RANBP3L: variants seen among roughly 807,000 people sequenced by gnomAD.
RANBP3L encodes RAN binding protein 3 like.
A neutral mutation model predicts 67.2 loss-of-function variants in RANBP3L; 56 were observed. The ratio of observed to expected loss-of-function variants is 0.83; its 90% CI spans 0.67 to 1.04. RANBP3L has a LOEUF of 1.04. Ranked by LOEUF, RANBP3L falls within the 50% of genes least tolerant of loss-of-function variation. The pLI is 0.00. For missense variants in RANBP3L, 496 were observed against 535.5 expected, an observed-to-expected ratio of 0.93 and a Z score of 0.73; for synonymous variants, 164 against 181.4, an observed-to-expected ratio of 0.90 and a Z score of 0.77.
intron 2 of RANBP3L, among the ~76,000 whole-genome samples, chr5:36,270,826 G>C (rs6886540): frequency 0.091 from 13,846 of 152,184 alleles, 1,802 homozygotes; most frequent in African/African-American, 0.28. Flanking sequence ...CTTTCAAAAC[G>C]AATGATTTTA....
intron 8 of RANBP3L, among the ~76,000 whole-genome samples, chr5:36,258,068 A>G (rs1395914074): frequency 6.6e-6 from 1 of 152,134 alleles, no homozygotes; most frequent in Admixed American, 6.6e-5. Flanking sequence ...CTTGCTATCC[A>G]CTTTATGGAA....
chr5:36,251,385 C>A lies in RANBP3L; in HGVS notation c.1282G>T (p.Ala428Ser). Residue 428 changes from alanine (A) to serine (S), a missense_variant, in exon 13 of 14, where the codon GCC becomes TCC. Ala to Ser is a moderately conservative substitution (Grantham distance 99, BLOSUM62 1). Transcript: ENST00000296604. ...VNQAESLSET[A>S]QQLNCESCDE... Reference sequence around the variant, plus strand: ...CAGCTTTCGCAGTTCAATTGTTGGGCTGTTTCTGACAGGCTTTCAGCTTGA... The same window carrying A: ...CAGCTTTCGCAGTTCAATTGTTGGGATGTTTCTGACAGGCTTTCAGCTTGA... The A allele has an allele frequency of 6.2e-7, 1 of 1,613,412 alleles. No individual in the cohort carries two copies. The highest frequency in any genetic ancestry group is 8.5e-7 in the Non-Finnish European group (1 of 1,179,606).
chr5:36,271,172 A>T (rs1283878815), intron 2 of RANBP3L, 81 bp downstream of exon 2: 2 of 824,996 alleles, frequency 2.4e-6, no homozygotes, highest in Non-Finnish European at 4.2e-6. Flanking sequence ...TGCAGCCGTG[A>T]TATCTTTCAG....
chr5:36,269,155 C>T (rs73081949), intron 4 of RANBP3L, among the ~76,000 whole-genome samples: 59 of 152,292 alleles, frequency 3.9e-4, no homozygotes, highest in African/African-American at 1.3e-3. Context: ...TTAAGATAAC[C>T]ACTGCTATCA....
rs545965677 is a variant in RANBP3L at position 36,287,276 on chromosome 5, C to A, written c.91+14050G>T. The stretch of plus-strand genomic sequence containing the variant: ...GCTGTGTGACCCAGTTCCTAACAGG[C>A]CATGGACCCCTGTTTGCACTATATA... On this transcript the variant is annotated intron_variant, in intron 1 of 13. Coordinates refer to ENST00000296604, the MANE Select transcript of RANBP3L (RefSeq NM_145000.5). Among the ~76,000 whole-genome samples, 6 of 152,278 alleles carry A rather than the reference C, an allele frequency of 3.9e-5. No homozygotes were observed. The South Asian group carries it at 1.0e-3, about 26-fold the overall frequency.
chr5:36,284,199 G>T (rs1220484261), intron 1 of RANBP3L, among the ~76,000 whole-genome samples: 5 of 152,106 alleles, frequency 3.3e-5, no homozygotes, highest in African/African-American at 4.8e-5. Context: ...GCTTTAGTTA[G>T]TATCAAAAGA....
chr5:36,260,125 G>A (rs1292777778), intron 8 of RANBP3L, among the ~76,000 whole-genome samples: 3 of 151,816 alleles, frequency 2.0e-5, no homozygotes, highest in African/African-American at 7.3e-5. Context: ...AAGCTGAGGT[G>A]GGCAGATGAC....
In RANBP3L at chr5:36,266,900, G is replaced by A. The variant is rs143597091; in HGVS notation, c.269-1380C>T. 1.6e-3 allele frequency among the ~76,000 whole-genome samples: 237 copies of A among 152,214 alleles called. 6 individuals are homozygous for A. In the East Asian group the frequency reaches 0.037, roughly 24 times the overall value. On this transcript the variant is annotated intron_variant, in intron 4 of 13. Coordinates refer to ENST00000296604, the MANE Select transcript of RANBP3L (RefSeq NM_145000.5). ...GCGCCCCAAGTAGCTGGAACTACAG[G>A]CGTGCAACACCATGCCCGGCTAATT...
chr5:36,272,962 A>C (rs1054094954), intron 1 of RANBP3L, among the ~76,000 whole-genome samples: 2 of 152,040 alleles, frequency 1.3e-5, no homozygotes, highest in Admixed American at 6.6e-5. Flanking sequence ...TTTTTATGCA[A>C]GCACTTACCA....
intron 1 of RANBP3L, among the ~76,000 whole-genome samples, chr5:36,290,154 C>A (rs182151991): frequency 3.4e-4 from 52 of 151,510 alleles, no homozygotes; most frequent in Middle Eastern, 3.5e-3. Flanking sequence ...CCCTTACAAT[C>A]CTTTTAATAT....
intron 4 of RANBP3L, among the ~76,000 whole-genome samples, chr5:36,266,381 G>T (rs1749789869): frequency 6.6e-6 from 1 of 152,164 alleles, no homozygotes; most frequent in African/African-American, 2.4e-5. Context: ...ATTGCAAATT[G>T]CAGAAACAGC....
intron 1 of RANBP3L, among the ~76,000 whole-genome samples, chr5:36,274,717 G>A (rs1750452187): frequency 6.6e-6 from 1 of 152,072 alleles, no homozygotes; most frequent in African/African-American, 2.4e-5. Flanking sequence ...GATTTGCTTT[G>A]ATATGCATTT....
Position 36,257,010 on chromosome 5 carries a change from T to C in RANBP3L, c.834A>G (p.Pro278=), listed in dbSNP as rs376640428. Residue 278 remains proline, a synonymous_variant, in exon 10 of 14, where the codon CCA becomes CCG. Coordinates refer to ENST00000296604, the MANE Select transcript of RANBP3L (RefSeq NM_145000.5). ...TTTTCTCCAGCAAGCATTTTCGTGATGGTTGGGAAGAGAATGCAGCAGCTG... is the reference window on the plus strand; with the variant it reads ...TTTTCTCCAGCAAGCATTTTCGTGACGGTTGGGAAGAGAATGCAGCAGCTG... The part of the protein sequence containing the change: ...IESAAAFSSQ[P]SRKCLLEKID... 1.9e-6 allele frequency: 3 copies of C among 1,612,716 alleles called. No homozygotes were observed. Among genetic ancestry groups the C allele is most frequent in the African/African-American group, 1.3e-5 (1 of 74,880 alleles).
intron 1 of RANBP3L, among the ~76,000 whole-genome samples, chr5:36,287,893 A>G (rs1270364361): frequency 6.6e-6 from 1 of 152,190 alleles, no homozygotes; most frequent in Non-Finnish European, 1.5e-5. Context: ...CTCTGCCAGT[A>G]GGATACGTTA....
intron 1 of RANBP3L, among the ~76,000 whole-genome samples, chr5:36,300,576 T>A (rs891982228): frequency 7.2e-5 from 11 of 152,200 alleles, no homozygotes; most frequent in African/African-American, 2.7e-4. Context: ...GTTAGAAGTG[T>A]CTGGTGAATC....
intron 11 of RANBP3L, 130 bp from the exon 12 acceptor site, chr5:36,253,919 T>A: frequency 1.2e-6 from 1 of 814,350 alleles, no homozygotes; most frequent in Non-Finnish European, 1.8e-6. Context: ...GTGATTTGAC[T>A]AGATTAAAAC....
rs201585536 is a variant in RANBP3L at position 36,253,827 on chromosome 5, G to A, written c.1025-38C>T. ...GGTGACTACATCAGGCCACAGAACA[G>A]TTGACACGGAGGAATTTACCATTTT... On this transcript the variant is annotated intron_variant, in intron 11 of 13. Transcript: ENST00000296604. 269 of 1,586,056 alleles carry A rather than the reference G, an allele frequency of 1.7e-4. No individual in the cohort carries two copies. The African/African-American group carries it at 3.3e-3, about 19-fold the overall frequency.
Position 36,255,941 on chromosome 5 carries a change from CTT to C in RANBP3L, c.904-353_904-352del, listed in dbSNP as rs560570016. Among the ~76,000 whole-genome samples the C allele has an allele frequency of 3.9e-5, 6 of 152,148 alleles. No homozygotes were observed. The South Asian group carries it at 1.2e-3, about 32-fold the overall frequency. On this transcript the variant is annotated intron_variant, in intron 10 of 13. Transcript: ENST00000296604. The stretch of plus-strand genomic sequence containing the variant: ...GCCAATACATATAAATGTTCCCCCT[CTT>C]TTTTTCTGTCAATGGTAGAATGCCA...
At position 36,247,923 on chromosome 5, in the gene RANBP3L, T is replaced by G. The variant is rs1257101138; in HGVS notation, c.*1731A>C. On this transcript the variant is annotated 3_prime_UTR_variant, in exon 14 of 14. Coordinates refer to ENST00000296604, the MANE Select transcript of RANBP3L (RefSeq NM_145000.5). ...AAAATAAATAAATGAAGTTATTTGT[T>G]CTCTTCTTCACTTTAGCAATTTATA... is the stretch of plus-strand genomic sequence containing the variant. 6.6e-6 allele frequency among the ~76,000 whole-genome samples: 1 copy of G among 152,122 alleles called. No individual in the cohort carries two copies. Among genetic ancestry groups the G allele is most frequent in the African/African-American group, 2.4e-5 (1 of 41,418 alleles).
Sources: allele counts gnomAD v4.1 joint callset (sites outside exome capture counted in the v4.1 genomes callset), GRCh38; gene constraint gnomAD v4.1.1; transcripts MANE v1.5; gene names NCBI Gene and HGNC (gene_info 2026-07-23, HGNC 2026-07-21).